Variants in WWP1 observed in about 807,000 individuals in gnomAD.
WWP1 encodes NEDD4-like E3 ubiquitin-protein ligase WWP1.
A neutral mutation model predicts 130.6 loss-of-function variants in WWP1; 49 were observed. The ratio of observed to expected loss-of-function variants is 0.38; its 90% confidence interval spans 0.30 to 0.48. The LOEUF (loss-of-function observed/expected upper bound fraction) is 0.48, where lower values mean the gene tolerates loss of function less well. WWP1 is among the 20% of genes least tolerant of loss of function. The pLI is 0.99. For synonymous variants in WWP1, 332 were observed against 367.8 expected, an observed-to-expected ratio of 0.90 and a Z score of 1.11; for missense variants, 809 against 1,100.6, an observed-to-expected ratio of 0.74 and a Z score of 3.75.
chr8:86,440,147 G>A (rs1307156102), intron 17 of WWP1, among the ~76,000 whole-genome samples: 2 of 152,130 alleles, frequency 1.3e-5, no homozygotes, highest in Non-Finnish European at 2.9e-5. Flanking sequence ...TTAGAAATGA[G>A]GAAATATGGT....
In WWP1 at chr8:86,452,691, T is replaced by C. The variant is rs1294232555; in HGVS notation, c.2394+12T>C. On this transcript the variant is annotated intron_variant, in intron 21 of 24. Coordinates refer to ENST00000517970, the MANE Select transcript of WWP1 (RefSeq NM_007013.4). The stretch of plus-strand genomic sequence containing the variant: ...AAAAAGAATTAGAGGTTAGGCCCTT[T>C]TATTATGCTATTGTAGGGAATGTTA... 1.2e-6 allele frequency: 2 copies of C among 1,611,674 alleles called. No homozygotes were observed. The highest frequency in any genetic ancestry group is 2.7e-5 in the African/African-American group (2 of 74,740).
rs558806676 is a variant in WWP1 at position 86,391,042 on chromosome 8, ATG to A, written c.335-7296_335-7295del. Among the ~76,000 whole-genome samples, 101 of 152,076 alleles carry A rather than the reference ATG, an allele frequency of 6.6e-4. 1 individual carries two copies. Among genetic ancestry groups the A allele is most frequent in the African/African-American group, 2.3e-3 (96 of 41,484 alleles). On this transcript the variant is annotated intron_variant, in intron 5 of 24. Transcript: ENST00000517970. ...TTTTAATTTCTTCATCCTTGATGGT[ATG>A]TGTTATTACAGCCATAAATAAACCT...
intron 2 of WWP1, among the ~76,000 whole-genome samples, chr8:86,370,975 C>G (rs1451382135): frequency 7.0e-6 from 1 of 142,392 alleles, no homozygotes; most frequent in Non-Finnish European, 1.5e-5. Context: ...AAGTAATTCT[C>G]CTGCCTCAGC....
In WWP1 at chr8:86,368,440, A is replaced by G. The variant is rs188795244; in HGVS notation, c.-114-499A>G. ...TGTAACCCTCAGCCATCCTATAGTC[A>G]TCTGGTCAAAGACCTTATATGTATC... On this transcript the variant is annotated intron_variant, in intron 1 of 24. Transcript: ENST00000517970. Among the ~76,000 whole-genome samples, 344 of 150,136 alleles carry G rather than the reference A, an allele frequency of 2.3e-3. 3 individuals are homozygous for G. Among genetic ancestry groups the G allele is most frequent in the Middle Eastern group, 3.4e-3 (1 of 290 alleles).
At chr8:86,454,055 A>C (rs1811315137) in intron 21 of WWP1, among the ~76,000 whole-genome samples, 1 of 152,048 alleles carries the variant, frequency 6.6e-6, no homozygotes, top group Non-Finnish European at 1.5e-5. Context: ...AGTCTGACTA[A>C]CCTAGGAAGT....
At chr8:86,466,731 G>T in intron 24 of WWP1, 63 bp from the exon 25 acceptor site, 1 of 1,140,240 alleles carries the variant, frequency 8.8e-7, no homozygotes, top group Non-Finnish European at 1.3e-6. Flanking sequence ...GCTTTGAAAA[G>T]TATTCTATTA....
At chr8:86,446,231 C>T (rs1230721434) in intron 18 of WWP1, among the ~76,000 whole-genome samples, 1 of 152,152 alleles carries the variant, frequency 6.6e-6, no homozygotes, top group Non-Finnish European at 1.5e-5. Flanking sequence ...ATCCGCCAAC[C>T]TCGGCCTCCC....
At chr8:86,396,897 C>A (rs918746834) in intron 5 of WWP1, among the ~76,000 whole-genome samples, 13 of 152,222 alleles carry the variant, frequency 8.5e-5, no homozygotes, top group Non-Finnish European at 1.6e-4. Flanking sequence ...CCGTGTCTGG[C>A]CTTAATTTTT....
intron 1 of WWP1, among the ~76,000 whole-genome samples, chr8:86,344,698 C>T (rs1041169659): frequency 6.6e-6 from 1 of 152,088 alleles, no homozygotes; most frequent in African/African-American, 2.4e-5. Flanking sequence ...CTTCTGAAAT[C>T]GTGGTTTTGA....
At chr8:86,391,127 GT>G (rs1327736349) in intron 5 of WWP1, among the ~76,000 whole-genome samples, 2 of 151,932 alleles carry the variant, frequency 1.3e-5, no homozygotes, top group African/African-American at 4.8e-5. Context: ...TATTTGTATT[GT>G]TTTCCCCAGA....
chr8:86,390,992 G>T (rs1439895899), intron 5 of WWP1, among the ~76,000 whole-genome samples: 4 of 151,710 alleles, frequency 2.6e-5, no homozygotes, highest in Non-Finnish European at 5.9e-5. Flanking sequence ...ATTTGAATAG[G>T]TATATTTTCT....
At chr8:86,453,410 A>G (rs945905744) in intron 21 of WWP1, among the ~76,000 whole-genome samples, 3 of 152,192 alleles carry the variant, frequency 2.0e-5, no homozygotes, top group African/African-American at 7.2e-5. Flanking sequence ...ATAGAGTATT[A>G]TGTACACTAC....
chr8:86,442,682 G>A lies in WWP1; in HGVS notation c.1902G>A (p.Ala634=), dbSNP rs774196333. The A allele has an allele frequency of 9.3e-6, 15 of 1,611,672 alleles. No homozygotes were observed. Among genetic ancestry groups the A allele is most frequent in the South Asian group, 5.5e-5 (5 of 90,796 alleles). ...CAATGTATTGCTTATTTGAGTATGCGGGCAAGAACAACTATTGTCTGCAGA... is the reference window on the plus strand; with the variant it reads ...CAATGTATTGCTTATTTGAGTATGCAGGCAAGAACAACTATTGTCTGCAGA... ...LNPMYCLFEY[A]GKNNYCLQIN... The change falls in exon 18 of 25, where the codon GCG becomes GCA. Residue 634 remains alanine (A), a synonymous_variant. Coordinates refer to ENST00000517970, the MANE Select transcript of WWP1 (RefSeq NM_007013.4).
rs187647241 is a variant in WWP1 at position 86,411,769 on chromosome 8, G to C, written c.956G>C (p.Arg319Thr). 6.2e-7 allele frequency: 1 copy of C among 1,614,160 alleles called. No homozygotes were observed. The highest frequency in any genetic ancestry group is 1.3e-5 in the African/African-American group (1 of 75,050). ...SILEPDTSNS[R>T]SSSAFEAAKS... ...TTAGAGCCTGACACCTCTAATTCTA[G>C]AAGTAGTTCTGCTTTTGAAGCAGCC... The change falls in exon 9 of 25, where the codon AGA becomes ACA. Residue 319 changes from arginine (R) to threonine (T), a missense_variant. Physicochemically the swap from Arg to Thr is moderately conservative, Grantham distance 71. This residue lies in a region of WWP1 where 97 missense variants were observed against 80.4 expected (regional missense o/e 1.21). Transcript: ENST00000517970.
At chr8:86,353,578 C>T (rs1823073025) in intron 1 of WWP1, among the ~76,000 whole-genome samples, 2 of 152,152 alleles carry the variant, frequency 1.3e-5, no homozygotes, top group South Asian at 4.2e-4. Flanking sequence ...CTGCAACCTC[C>T]ATCTCCTGGG....
chr8:86,384,928 G>A (rs1056769416), intron 5 of WWP1, among the ~76,000 whole-genome samples: 11 of 152,118 alleles, frequency 7.2e-5, no homozygotes, highest in African/African-American at 2.4e-4. Context: ...GGAGGCTGAG[G>A]TGGGAGGATC....
chr8:86,443,071 G>GA (rs951890151), intron 18 of WWP1, among the ~76,000 whole-genome samples: 1 of 151,928 alleles, frequency 6.6e-6, no homozygotes, highest in South Asian at 2.1e-4. Context: ...ATTTTTAATA[G>GA]AAAAAATTTT....
intron 1 of WWP1, among the ~76,000 whole-genome samples, chr8:86,356,439 T>A (rs1249442030): frequency 2.0e-5 from 3 of 150,748 alleles, no homozygotes; most frequent in Non-Finnish European, 1.5e-5. Flanking sequence ...ATATATATAT[T>A]TATATATATA....
At chr8:86,377,062 A>G (rs1824699221) in intron 3 of WWP1, among the ~76,000 whole-genome samples, 1 of 152,018 alleles carries the variant, frequency 6.6e-6, no homozygotes, top group Non-Finnish European at 1.5e-5. Flanking sequence ...TGCTCCTTTT[A>G]TTAGATTACA....
Sources: allele counts gnomAD v4.1 joint callset (sites outside exome capture counted in the v4.1 genomes callset), GRCh38; gene constraint gnomAD v4.1.1; regional missense constraint gnomAD v4.1.1; transcripts MANE v1.5; gene names NCBI Gene and HGNC (gene_info 2026-07-23, HGNC 2026-07-21).